Variants in NEB observed in about 807,000 individuals in gnomAD.
NEB encodes the protein nebulin.
In NEB, 512 loss-of-function variants were observed where a neutral mutation model predicts 952.2. The observed-to-expected ratio is 0.54, with a 90% CI of 0.50 to 0.58. NEB has a LOEUF of 0.58. Ranked by LOEUF, NEB falls within the 20% of genes least tolerant of loss-of-function variation. The pLI is 0.00. For synonymous variants in NEB, 2,900 were observed against 3,149.8 expected, an observed-to-expected ratio of 0.92 and a Z score of 2.66; for missense variants, 8,428 against 9,231.1, an observed-to-expected ratio of 0.91 and a Z score of 3.56.
rs1274731601 is a variant in NEB, at chr2:151,525,219, T to C, written c.22216A>G (p.Met7406Val). Reference sequence around the variant, plus strand: ...TGTTTCACCTCTGGTGGCTCCAGCATGATGGAGTAGTTGGATTTTCCTTTC... The same window carrying C: ...TGTTTCACCTCTGGTGGCTCCAGCACGATGGAGTAGTTGGATTTTCCTTTC... ...KEKGKSNYSI[M>V]LEPPEVKHAM... Residue 7406 changes from methionine to valine, a missense_variant, in exon 151 of 182, where the codon ATG becomes GTG. By Grantham distance (21) the Met-to-Val change is conservative. Around this residue, in one of 11 missense-constraint regions of NEB, gnomAD observed 3,374 missense variants for 3,651.5 expected, o/e 0.92. Transcript: ENST00000397345. The C allele has an allele frequency of 6.2e-7, 1 of 1,614,008 alleles. No homozygotes were observed. The highest frequency in any genetic ancestry group is 2.2e-5 in the East Asian group (1 of 44,890).
chr2:151,535,238 T>C (rs1439094466), intron 142 of NEB, among the ~76,000 whole-genome samples: 1 of 152,246 alleles, frequency 6.6e-6, no homozygotes, highest in Non-Finnish European at 1.5e-5. Context: ...CTTTGAAGCA[T>C]GAATCACAAC....
At chr2:151,509,052 C>T (rs1382531081) in intron 161 of NEB, among the ~76,000 whole-genome samples, 1 of 152,190 alleles carries the variant, frequency 6.6e-6, no homozygotes, top group African/African-American at 2.4e-5. Context: ...AGGAATGAGA[C>T]TAGCCACTGT....
rs200481156 is a variant in NEB, at chr2:151,655,861, T to C, written c.6658A>G (p.Met2220Val). 17 of 1,613,796 alleles carry C rather than the reference T, an allele frequency of 1.1e-5. No homozygotes were observed. The Admixed American group carries it at 1.8e-4, about 17-fold the overall frequency. ...TTCTGCTTGGCAAGCACCATGTCCATGGAATCAGTCAGCTTCTTAAACTGG... is the reference window on the plus strand; with the variant it reads ...TTCTGCTTGGCAAGCACCATGTCCACGGAATCAGTCAGCTTCTTAAACTGG... ...NFQFKKLTDS[M>V]DMVLAKQNAH... The change falls in exon 50 of 182, where the codon ATG becomes GTG. Residue 2220 changes from methionine to valine, a missense_variant. Met to Val is a conservative substitution (Grantham distance 21). Coordinates refer to ENST00000397345, the MANE Select transcript of NEB (RefSeq NM_001164508.2).
intron 133 of NEB, 66 bp downstream of exon 133, chr2:151,547,363 T>C: frequency 1.6e-6 from 2 of 1,281,274 alleles, no homozygotes; most frequent in Non-Finnish European, 1.1e-6. Context: ...CTGGTTGTTT[T>C]AACTGCTGAA....
intron 13 of NEB, among the ~76,000 whole-genome samples, chr2:151,700,028 AT>A (rs1354209446): frequency 1.1e-4 from 12 of 105,500 alleles, no homozygotes; most frequent in African/African-American, 4.5e-4. Context: ...TCCATCTTGA[AT>A]TGATTTTTGT....
chr2:151,496,630 G>GAGTACGGTGCCTCCT (rs1353983171), intron 172 of NEB, among the ~76,000 whole-genome samples: 1 of 151,938 alleles, frequency 6.6e-6, no homozygotes, highest in Admixed American at 6.6e-5. Flanking sequence ...TCATTTTTGT[G>GAGTACGGTGCCTCCT]AGTACGGTGC....
chr2:151,653,965 C>A, intron 52 of NEB, 27 bp downstream of exon 52: 1 of 1,464,328 alleles, frequency 6.8e-7, no homozygotes, highest in Non-Finnish European at 9.6e-7. Flanking sequence ...AAAAATATAG[C>A]CTTATAGAAC....
chr2:151,609,278 CGG>C (rs1560366483), intron 81 of NEB, among the ~76,000 whole-genome samples: 1 of 151,768 alleles, frequency 6.6e-6, no homozygotes, highest in Non-Finnish European at 1.5e-5. Context: ...ATGGGGTTGA[CGG>C]GATAAGTGCA....
chr2:151,639,438 T>C, intron 62 of NEB, 54 bp from the exon 63 acceptor site: 1 of 1,261,070 alleles, frequency 7.9e-7, no homozygotes, highest in Non-Finnish European at 1.1e-6. Flanking sequence ...GTATAGTTAA[T>C]AGGAATTTTA....
chr2:151,524,297 C>T lies in NEB; in HGVS notation c.22479+14G>A, dbSNP rs1205066819. 2.5e-6 allele frequency: 4 copies of T among 1,603,346 alleles called. No individual in the cohort carries two copies. Among genetic ancestry groups the T allele is most frequent in the Non-Finnish European group, 3.4e-6 (4 of 1,170,636 alleles). On this transcript the variant is annotated intron_variant, in intron 153 of 181. Transcript: ENST00000397345. The stretch of plus-strand genomic sequence containing the variant: ...TCCTCACATGAGAGCCACCAGTGCA[C>T]CCATCTGCATTACCTGGCTGCTCAG...
At chr2:151,677,808 AC>A (rs780817568) in intron 33 of NEB, 37 bp from the exon 34 acceptor site, 2 of 1,612,016 alleles carry the variant, frequency 1.2e-6, no homozygotes, top group South Asian at 2.2e-5. Flanking sequence ...AGGGCCTAGG[AC>A]AGGGTTCTTT....
rs367881797 is a variant in NEB at position 151,581,472 on chromosome 2, T to C, written c.16284+11A>G. 23,925 of 741,044 alleles carry C rather than the reference T, an allele frequency of 0.032. 499 individuals are homozygous for C. Among genetic ancestry groups the C allele is most frequent in the Middle Eastern group, 0.055 (145 of 2,630 alleles). 45.9% of individuals were successfully genotyped at this position (741,044 alleles called of 1,614,324 possible). A position where few individuals can be genotyped will look rare whatever the true frequency, so the allele number is the denominator to read the frequency against. On this transcript the variant is annotated intron_variant, in intron 103 of 181. Coordinates refer to ENST00000397345, the MANE Select transcript of NEB (RefSeq NM_001164508.2). ...AGCACTGTGAAAAGCAAATGATGTG[T>C]GCTGTCTTACATTGCTGATCTGCAG...
At position 151,633,958 on chromosome 2, in the gene NEB, T is replaced by C; in HGVS notation, c.9110A>G (p.Tyr3037Cys). The C allele has an allele frequency of 6.2e-7, 1 of 1,611,340 alleles. No individual in the cohort carries two copies. Among genetic ancestry groups the C allele is most frequent in the Non-Finnish European group, 8.5e-7 (1 of 1,177,924 alleles). The change falls in exon 65 of 182, where the codon TAT (tyrosine) becomes TGT (cysteine). Residue 3037 changes from tyrosine to cysteine, a missense_variant. Coordinates refer to ENST00000397345, the MANE Select transcript of NEB (RefSeq NM_001164508.2). ...ASRDIISDYKYKDGYCKQLGH... is the reference protein window; with the variant it reads ...ASRDIISDYKCKDGYCKQLGH... ...AAGTTGCTTGCAGTAACCATCTTTA[T>C]ATTTGTACTAAAATGAAAATGCACA... is the stretch of plus-strand genomic sequence containing the variant.
At chr2:151,486,333 A>C (rs2050340081) in intron 181 of NEB, 1 of 167,912 alleles carries the variant, frequency 6.0e-6, no homozygotes, top group Non-Finnish European at 1.3e-5. Context: ...TGGTGATGAT[A>C]AAAAAGACAG....
chr2:151,653,958 AAT>A (rs777149524), intron 52 of NEB, 32 bp downstream of exon 52: 4 of 1,418,886 alleles, frequency 2.8e-6, no homozygotes, highest in Non-Finnish European at 4.0e-6. Context: ...TTCAGATAAA[AAT>A]ATAGCCTTAT....
Position 151,643,859 on chromosome 2 carries a change from C to T in NEB, c.7915G>A (p.Asp2639Asn), listed in dbSNP as rs2098919438. Residue 2639 changes from aspartate (D) to asparagine (N), a missense_variant, in exon 57 of 182, where the codon GAT becomes AAT. By Grantham distance (23) the Asp-to-Asn change is conservative. Around this residue, in one of 11 missense-constraint regions of NEB, gnomAD observed 1,772 missense variants for 1,960.3 expected, o/e 0.90. Transcript: ENST00000397345. ...HQWTCLPDQS[D>N]VIHARQAYDL... is the part of the protein sequence containing the mutation. ...TAGGCCTGCCGAGCATGGATGACAT[C>T]GCTCTGGTCGGGCAGGCATGTCCAC... 3.7e-6 allele frequency: 6 copies of T among 1,613,886 alleles called. No homozygotes were observed. Among genetic ancestry groups the T allele is most frequent in the Non-Finnish European group, 5.1e-6 (6 of 1,179,876 alleles).
intron 9 of NEB, among the ~76,000 whole-genome samples, chr2:151,718,591 C>T (rs912957914): frequency 3.3e-5 from 5 of 152,172 alleles, no homozygotes; most frequent in Admixed American, 6.5e-5. Context: ...CTGCGTCTCC[C>T]ACCCCTTCCC....
intron 124 of NEB, among the ~76,000 whole-genome samples, chr2:151,560,148 T>C (rs1332885552): frequency 1.3e-5 from 2 of 152,228 alleles, no homozygotes; most frequent in Non-Finnish European, 2.9e-5. Flanking sequence ...AAACAATTTT[T>C]AAATGTTTTC....
chr2:151,629,397 A>G, intron 68 of NEB, 142 bp downstream of exon 68: 1 of 748,852 alleles, frequency 1.3e-6, no homozygotes. Flanking sequence ...AGTTTTTTCA[A>G]ATGAAAAACT....
Sources: allele counts gnomAD v4.1 joint callset (sites outside exome capture counted in the v4.1 genomes callset), GRCh38; gene constraint gnomAD v4.1.1; regional missense constraint gnomAD v4.1.1; transcripts MANE v1.5; gene names NCBI Gene and HGNC (gene_info 2026-07-23, HGNC 2026-07-21).